The following TNRC6B variants were observed in gnomAD, a reference collection of about 807,000 sequenced individuals.
TNRC6B encodes the protein trinucleotide repeat containing adaptor 6B.
In TNRC6B, 52 loss-of-function variants were observed where a neutral mutation model predicts 203.6. The ratio of observed to expected loss-of-function variants is 0.26; its 90% CI spans 0.20 to 0.32. The LOEUF (loss-of-function observed/expected upper bound fraction) is 0.32. Ranked by LOEUF, TNRC6B falls within the 10% of genes least tolerant of loss-of-function variation. The pLI, the probability that TNRC6B is intolerant of heterozygous loss-of-function variation, is 1.00. For synonymous variants in TNRC6B, 838 were observed against 845.7 expected (o/e 0.99, Z 0.16); for missense variants, 1,923 against 2,286.2 (o/e 0.84, Z 3.24).
intron 5 of TNRC6B, among the ~76,000 whole-genome samples, chr22:40,268,157 G>A (rs547697109): frequency 2.0e-5 from 3 of 152,056 alleles, no homozygotes; most frequent in Non-Finnish European, 4.4e-5. Context: ...GCACGATCTC[G>A]GCTCGCTATA....
chr22:40,297,561 C>T (rs776832315), intron 12 of TNRC6B, among the ~76,000 whole-genome samples: 24 of 152,206 alleles, frequency 1.6e-4, no homozygotes, highest in Non-Finnish European at 3.1e-4. Context: ...CGGTGGCTCA[C>T]GCCTGTAATC....
At chr22:40,050,960 G>T (rs560404448) in intron 1 of TNRC6B, among the ~76,000 whole-genome samples, 1 of 151,878 alleles carries the variant, frequency 6.6e-6, no homozygotes, top group Non-Finnish European at 1.5e-5. Flanking sequence ...GAGTAGCTAG[G>T]ACTACAGGTG....
intron 1 of TNRC6B, among the ~76,000 whole-genome samples, chr22:40,085,905 C>T (rs2068096612): frequency 6.6e-6 from 1 of 151,786 alleles, no homozygotes; most frequent in Non-Finnish European, 1.5e-5. Context: ...GGGTCTTGTT[C>T]TATTGTCCAG....
At chr22:40,255,339 T>C (rs1172301350) in intron 3 of TNRC6B, among the ~76,000 whole-genome samples, 1 of 152,176 alleles carries the variant, frequency 6.6e-6, no homozygotes, top group African/African-American at 2.4e-5. Flanking sequence ...ATAGCTGGGG[T>C]TATGGGCCAT....
At position 40,265,345 on chromosome 22, in the gene TNRC6B, G is replaced by A; in HGVS notation, c.1115G>A (p.Gly372Glu). 1.2e-6 allele frequency: 2 copies of A among 1,613,862 alleles called. No individual in the cohort carries two copies. The highest frequency in any genetic ancestry group is 1.7e-6 in the Non-Finnish European group (2 of 1,179,854). The change falls in exon 5 of 23, where the codon GGA (glycine) becomes GAA (glutamate). Residue 372 changes from glycine to glutamate, a missense_variant. By Grantham distance (98) the Gly-to-Glu change is moderately conservative. Around this residue, in one of 8 missense-constraint regions of TNRC6B, gnomAD observed 614 missense variants for 587.7 expected, o/e 1.04. Coordinates refer to ENST00000454349, the MANE Select transcript of TNRC6B (RefSeq NM_001162501.2). ...CAGGCTCAAATTCATAACACTGATG[G>A]ACCAAAAAATGGAAACACTAACTCC... ...REQAQIHNTD[G>E]PKNGNTNSLN...
At chr22:40,058,238 A>G (rs985385211) in intron 1 of TNRC6B, among the ~76,000 whole-genome samples, 6 of 152,256 alleles carry the variant, frequency 3.9e-5, no homozygotes, top group Non-Finnish European at 5.9e-5. Flanking sequence ...ACCAAAAAAC[A>G]AAAACAAAAC....
intron 1 of TNRC6B, among the ~76,000 whole-genome samples, chr22:40,206,183 T>TTA (rs1161255096): frequency 6.6e-6 from 1 of 152,180 alleles, no homozygotes; most frequent in Non-Finnish European, 1.5e-5. Context: ...ATATTAGATA[T>TTA]TAATATAGTT....
intron 3 of TNRC6B, among the ~76,000 whole-genome samples, chr22:40,154,450 C>G (rs1050920522): frequency 6.6e-6 from 1 of 150,822 alleles, no homozygotes; most frequent in African/African-American, 2.4e-5. Flanking sequence ...GGTGACAGGG[C>G]GAGACTCCAT....
intron 1 of TNRC6B, among the ~76,000 whole-genome samples, chr22:40,055,937 A>G (rs2146266735): frequency 6.6e-6 from 1 of 152,372 alleles, no homozygotes; most frequent in Middle Eastern, 3.4e-3. Flanking sequence ...CAAGTCTCCA[A>G]GTGGTTCACT....
intron 1 of TNRC6B, among the ~76,000 whole-genome samples, chr22:40,073,124 A>G (rs1275158378): frequency 7.0e-6 from 1 of 143,210 alleles, no homozygotes; most frequent in Non-Finnish European, 1.5e-5. Flanking sequence ...CACACCCTAC[A>G]CATACATAGG....
At chr22:40,297,260 G>A (rs1358924807) in intron 12 of TNRC6B, among the ~76,000 whole-genome samples, 1 of 152,154 alleles carries the variant, frequency 6.6e-6, no homozygotes, top group Non-Finnish European at 1.5e-5. Context: ...ACGATTCCTA[G>A]GCTGATCGTT....
intron 12 of TNRC6B, among the ~76,000 whole-genome samples, chr22:40,292,677 C>A (rs755198218): frequency 1.3e-5 from 2 of 152,218 alleles, no homozygotes; most frequent in Admixed American, 6.5e-5. Flanking sequence ...GCAGCCCAGG[C>A]GGGCGTGAGC....
At chr22:40,295,002 A>G (rs1014335953) in intron 12 of TNRC6B, among the ~76,000 whole-genome samples, 10 of 152,232 alleles carry the variant, frequency 6.6e-5, no homozygotes, top group African/African-American at 2.4e-4. Context: ...AACACTCAGC[A>G]TCTCTTAGAG....
intron 1 of TNRC6B, among the ~76,000 whole-genome samples, chr22:40,216,353 C>T (rs754336668): frequency 1.3e-5 from 2 of 152,158 alleles, no homozygotes; most frequent in Non-Finnish European, 2.9e-5. Context: ...CTACAGCAGG[C>T]CTCTTTCCCC....
At position 40,285,628 on chromosome 22, in the gene TNRC6B, T is replaced by G; in HGVS notation, c.3583-17T>G. On this transcript the variant is annotated splice_polypyrimidine_tract_variant and intron_variant, in intron 11 of 22. Transcript: ENST00000454349. ...TTATGTTAACAAAAAGCCTTACTGC[T>G]GCTTTTCTGTTTACAGGGCGGTAGT... 6.2e-7 allele frequency: 1 copy of G among 1,605,422 alleles called. No homozygotes were observed. Among genetic ancestry groups the G allele is most frequent in the Non-Finnish European group, 8.5e-7 (1 of 1,177,756 alleles).
At chr22:40,167,326 A>G (rs1382295398) in intron 4 of TNRC6B, among the ~76,000 whole-genome samples, 1 of 152,198 alleles carries the variant, frequency 6.6e-6, no homozygotes, top group Non-Finnish European at 1.5e-5. Context: ...GTTGGTATGG[A>G]AGGACAGATA....
In TNRC6B at chr22:40,261,849, C is replaced by T. The variant is rs1363631179; in HGVS notation, c.133C>T (p.Pro45Ser). The T allele has an allele frequency of 6.4e-7, 1 of 1,573,180 alleles. No homozygotes were observed. The highest frequency in any genetic ancestry group is 2.3e-5 in the East Asian group (1 of 43,946). ...TCTTTTAGTGCCCGAAGTGACGAAA[C>T]CAAGTTTAAGCCAACCAACGGCCGC... ...QKTKVPEVTK[P>S]SLSQPTAASP... Residue 45 changes from proline to serine, a missense_variant, in exon 4 of 23, where the codon CCA becomes TCA. Pro to Ser is a moderately conservative substitution (Grantham distance 74). Transcript: ENST00000454349.
At chr22:40,127,629 T>C (rs142108806) in intron 3 of TNRC6B, among the ~76,000 whole-genome samples, 12 of 152,302 alleles carry the variant, frequency 7.9e-5, no homozygotes, top group Non-Finnish European at 1.5e-4. Flanking sequence ...CCCAGCACTT[T>C]GGGAGTCCGA....
chr22:40,327,806 T>C lies in TNRC6B; in HGVS notation c.*4565T>C, dbSNP rs1372940490. On this transcript the variant is annotated 3_prime_UTR_variant, in exon 23 of 23. Transcript: ENST00000454349. ...TGCTGGTCACCTCTCATTACATAGA[T>C]TTATTTTAAAAACATTTTGATTATG... 2.0e-5 allele frequency: 3 copies of C among 152,188 alleles called. No homozygotes were observed. Among genetic ancestry groups the C allele is most frequent in the East Asian group, 1.9e-4 (1 of 5,204 alleles). 9.4% of individuals were successfully genotyped at this position (152,188 alleles called of 1,614,324 possible).
Sources: allele counts gnomAD v4.1 joint callset (sites outside exome capture counted in the v4.1 genomes callset), GRCh38; gene constraint gnomAD v4.1.1; regional missense constraint gnomAD v4.1.1; transcripts MANE v1.5; gene names NCBI Gene and HGNC (gene_info 2026-07-23, HGNC 2026-07-21).